The following GATA4 variants were observed in gnomAD, a reference collection of about 807,000 sequenced individuals.
GATA4 encodes the protein GATA binding protein 4.
A neutral mutation model predicts 37.9 loss-of-function variants in GATA4; 7 were observed. The observed-to-expected ratio is 0.18, with a 90% CI of 0.11 to 0.35. GATA4 has a LOEUF of 0.35. Among genes scored for constraint, GATA4 ranks in the 10% least tolerant of loss-of-function variants. The probability of loss-of-function intolerance (pLI) is 1.00; values close to 1 mark genes in which losing one functional copy is unlikely to be tolerated. For missense variants in GATA4, 647 were observed against 653.0 expected (o/e 0.99, Z 0.10); for synonymous variants, 372 against 292.6 (o/e 1.27, Z -2.77).
At chr8:11,688,468 T>G (rs763934467), upstream of GATA4, among the ~76,000 whole-genome samples, 3 of 152,200 alleles carry the variant, frequency 2.0e-5, no homozygotes. Context: ...AAGAACTTTT[T>G]AAACCTACTG....
intron 1 of GATA4, among the ~76,000 whole-genome samples, chr8:11,678,508 G>A (rs1279048461): frequency 1.3e-5 from 2 of 152,082 alleles, no homozygotes; most frequent in East Asian, 1.9e-4. Flanking sequence ...TCTTCTGTAC[G>A]CTGTCCAAAA....
At chr8:11,729,377 G>A (rs929389106) in intron 2 of GATA4, among the ~76,000 whole-genome samples, 1 of 152,072 alleles carries the variant, frequency 6.6e-6, no homozygotes, top group Non-Finnish European at 1.5e-5. Flanking sequence ...AGACTAGCCT[G>A]GCCAACATAG....
rs1404031814 is a variant in GATA4, at chr8:11,709,490, G to A, written c.616+562G>A. On this transcript the variant is annotated intron_variant, in intron 2 of 6. Coordinates refer to ENST00000532059, the MANE Select transcript of GATA4 (RefSeq NM_001308093.3). This position sits in a 1 kb window ranked among gnomAD's most constrained non-coding sequence, Gnocchi z 4.3. Reference sequence around the variant, plus strand: ...CGAGAACAAAGGAGGGATGGACAAAGGAGACGCCGGGGAGATGCGCGGAAC... The same window carrying A: ...CGAGAACAAAGGAGGGATGGACAAAAGAGACGCCGGGGAGATGCGCGGAAC... 6.6e-6 allele frequency among the ~76,000 whole-genome samples: 1 copy of A among 151,998 alleles called. No homozygotes were observed. The highest frequency in any genetic ancestry group is 1.5e-5 in the Non-Finnish European group (1 of 67,976).
chr8:11,683,520 C>T (rs565713327), intron 1 of GATA4, among the ~76,000 whole-genome samples: 6 of 152,256 alleles, frequency 3.9e-5, no homozygotes, highest in Admixed American at 2.6e-4. Context: ...CAACTTTCAC[C>T]GTATTCCTTG....
intron 2 of GATA4, among the ~76,000 whole-genome samples, chr8:11,710,109 T>C (rs1800107197): frequency 6.6e-6 from 1 of 152,074 alleles, no homozygotes; most frequent in African/African-American, 2.4e-5. Context: ...GCCTAGGCTT[T>C]GAAGCGCTTT....
chr8:11,697,856 C>A, intron 1 of GATA4: 1 of 985,462 alleles, frequency 1.0e-6, no homozygotes, highest in Non-Finnish European at 1.2e-6. Flanking sequence ...GAGGAGGGAG[C>A]GGCCTTTGCG....
chr8:11,712,230 A>T (rs1354013273), intron 2 of GATA4, among the ~76,000 whole-genome samples: 1 of 152,230 alleles, frequency 6.6e-6, no homozygotes, highest in Non-Finnish European at 1.5e-5. Flanking sequence ...CCCAGGACTG[A>T]GGGTTTTCCC....
chr8:11,721,703 C>T (rs1441971866), intron 2 of GATA4, among the ~76,000 whole-genome samples: 3 of 152,110 alleles, frequency 2.0e-5, no homozygotes, highest in Non-Finnish European at 4.4e-5. Context: ...TGGAGCCCTG[C>T]CCTGGGAAGG....
Position 11,708,217 on chromosome 8 carries a change from G to A in GATA4, c.-96G>A. 1 of 1,332,314 alleles carries A rather than the reference G, an allele frequency of 7.5e-7. No individual in the cohort carries two copies. Among genetic ancestry groups the A allele is most frequent in the Non-Finnish European group, 1.0e-6 (1 of 962,950 alleles). 82.5% of individuals were successfully genotyped at this position (1,332,314 alleles called of 1,614,324 possible). Reference sequence around the variant, plus strand: ...TGATCTTCGCGACAGTTCCTCCCACGCATATTATCGTTGTTGCCGTCGTTT... The same window carrying A: ...TGATCTTCGCGACAGTTCCTCCCACACATATTATCGTTGTTGCCGTCGTTT... On this transcript the variant is annotated 5_prime_UTR_variant, in exon 2 of 7. Transcript: ENST00000532059. The surrounding 1 kb of genome is among the most constrained non-coding windows in gnomAD (Gnocchi z 6.7).
chr8:11,733,728 T>C (rs1352785313), intron 2 of GATA4, among the ~76,000 whole-genome samples: 2 of 152,210 alleles, frequency 1.3e-5, no homozygotes. Flanking sequence ...CAGAGGAGTA[T>C]CCATGGTATG....
At chr8:11,713,202 A>G (rs890042980) in intron 2 of GATA4, among the ~76,000 whole-genome samples, 3 of 152,244 alleles carry the variant, frequency 2.0e-5, no homozygotes, top group Admixed American at 2.0e-4. Context: ...GTTGGAAGAA[A>G]TAAGTGTGGC....
chr8:11,747,300 C>G (rs759025681), intron 2 of GATA4, among the ~76,000 whole-genome samples: 1 of 152,190 alleles, frequency 6.6e-6, no homozygotes, highest in Non-Finnish European at 1.5e-5. Context: ...CCCAGCCTGT[C>G]TCACGAGGGT....
chr8:11,738,389 C>T (rs1468547724), intron 2 of GATA4, among the ~76,000 whole-genome samples: 2 of 152,016 alleles, frequency 1.3e-5, no homozygotes, highest in African/African-American at 4.8e-5. Flanking sequence ...TGTATAGATT[C>T]TTCTCCCCTT....
At chr8:11,688,721 T>G (rs1799220525), upstream of GATA4, among the ~76,000 whole-genome samples, 1 of 152,018 alleles carries the variant, frequency 6.6e-6, no homozygotes, top group Non-Finnish European at 1.5e-5. Context: ...GCCTCAACCT[T>G]CTCCCCAGTG....
At chr8:11,726,150 G>GA (rs1278035413) in intron 2 of GATA4, among the ~76,000 whole-genome samples, 3 of 152,210 alleles carry the variant, frequency 2.0e-5, no homozygotes. Context: ...AATCCATCCT[G>GA]AAGCATTTGG....
At chr8:11,748,840 T>C in intron 2 of GATA4, 76 bp from the exon 3 acceptor site, 2 of 1,531,956 alleles carry the variant, frequency 1.3e-6, no homozygotes, top group South Asian at 1.1e-5. Context: ...GCGCTCTAGA[T>C]TCTCAGATGT....
intron 2 of GATA4, among the ~76,000 whole-genome samples, chr8:11,729,555 C>CAAAAA (rs58397100): frequency 7.2e-6 from 1 of 139,756 alleles, no homozygotes. Context: ...GACTGTGTCT[C>CAAAAA]AAAAAAAAAA....
chr8:11,725,910 G>T (rs1800899967), intron 2 of GATA4, among the ~76,000 whole-genome samples: 1 of 152,200 alleles, frequency 6.6e-6, no homozygotes, highest in African/African-American at 2.4e-5. Flanking sequence ...GCTTGTCTCT[G>T]CATGCAGCTT....
At chr8:11,751,553 T>C (rs1057302703) in intron 4 of GATA4, among the ~76,000 whole-genome samples, 2 of 152,174 alleles carry the variant, frequency 1.3e-5, no homozygotes, top group African/African-American at 4.8e-5. Flanking sequence ...ATTGTTCAAA[T>C]ACAAGTTAAA....
Sources: allele counts gnomAD v4.1 joint callset (sites outside exome capture counted in the v4.1 genomes callset), GRCh38; gene constraint gnomAD v4.1.1; non-coding constraint Gnocchi (gnomAD v3.1); transcripts MANE v1.5; gene names NCBI Gene and HGNC (gene_info 2026-07-23, HGNC 2026-07-21).